The following ANO2 variants were observed in gnomAD, a reference collection of about 807,000 sequenced individuals.
The protein encoded by ANO2 is anoctamin-2.
In ANO2, 101 loss-of-function variants were observed where a neutral mutation model predicts 124.2. The ratio of observed to expected loss-of-function variants is 0.81; its 90% CI spans 0.69 to 0.96. ANO2 has a LOEUF of 0.96. Ranked by LOEUF, ANO2 falls within the 40% of genes least tolerant of loss-of-function variation. The pLI is 0.00. For synonymous variants in ANO2, 486 were observed against 482.5 expected (o/e 1.01, Z -0.09); for missense variants, 1,293 against 1,274.5 (o/e 1.01, Z -0.22).
intron 16 of ANO2, among the ~76,000 whole-genome samples, chr12:5,618,084 G>T (rs1944923906): frequency 6.6e-6 from 1 of 152,180 alleles, no homozygotes. Context: ...GCATCAACTG[G>T]GGTTCAGTCC....
At chr12:5,603,493 T>C (rs4930768) in intron 19 of ANO2, among the ~76,000 whole-genome samples, 90,213 of 151,986 alleles carry the variant, frequency 0.59, 27,400 homozygotes, top group Admixed American at 0.7. Flanking sequence ...TAATGAAAGA[T>C]GGTAGAAGAA....
At chr12:5,932,878 G>A (rs544596866) in intron 1 of ANO2, among the ~76,000 whole-genome samples, 10 of 152,264 alleles carry the variant, frequency 6.6e-5, no homozygotes, top group Non-Finnish European at 1.0e-4. Context: ...CAGAGGACAC[G>A]GCTTTTGCAT....
Position 5,599,500 on chromosome 12 carries a change from C to T in ANO2, c.2217G>A (p.Pro739=), listed in dbSNP as rs771773561. 1.9e-5 allele frequency: 30 copies of T among 1,609,180 alleles called. No individual in the cohort carries two copies. Among genetic ancestry groups the T allele is most frequent in the African/African-American group, 9.4e-5 (7 of 74,556 alleles). Residue 739 remains proline (P), a synonymous_variant, in exon 20 of 25, where the codon CCG becomes CCA. Coordinates refer to ENST00000682330, the MANE Select transcript of ANO2 (RefSeq NM_001364791.2). The part of the protein sequence containing the change: ...YSLEPYTGLT[P]EYMEMIIQFG... ...GGTTCTCACTCATTTCCATGTACTC[C>T]GGAGTCAGTCCTGTGTATGGTTCCA...
At chr12:5,612,381 T>G (rs894328217) in intron 19 of ANO2, among the ~76,000 whole-genome samples, 1 of 152,216 alleles carries the variant, frequency 6.6e-6, no homozygotes, top group Non-Finnish European at 1.5e-5. Context: ...TAAGATATTA[T>G]GCACTCTGGG....
chr12:5,665,410 C>G (rs1270325555), intron 14 of ANO2, among the ~76,000 whole-genome samples: 3 of 152,184 alleles, frequency 2.0e-5, no homozygotes, highest in Non-Finnish European at 4.4e-5. Context: ...GTGCTTCATC[C>G]CACAGACCCC....
chr12:5,914,178 T>G (rs568048843), intron 3 of ANO2, among the ~76,000 whole-genome samples: 9 of 148,958 alleles, frequency 6.0e-5, no homozygotes, highest in East Asian at 4.0e-4. Context: ...CCAGCCTAGG[T>G]GACAGAGTGA....
chr12:5,737,291 A>C (rs1318630891), intron 13 of ANO2, among the ~76,000 whole-genome samples: 1 of 152,216 alleles, frequency 6.6e-6, no homozygotes, highest in Non-Finnish European at 1.5e-5. Context: ...AGTCTTGGCC[A>C]GGCCCCTCTC....
rs1443116911 is a variant in ANO2 at position 5,900,697 on chromosome 12, C to G, written c.534+20343G>C. On this transcript the variant is annotated intron_variant, in intron 3 of 24. Transcript: ENST00000682330. This position sits in a 1 kb window ranked among gnomAD's most constrained non-coding sequence, Gnocchi z 4.2. The stretch of plus-strand genomic sequence containing the variant: ...CACAGCCTGACCACAATCCCCTTCC[C>G]CATGGGTGGGGCCGGGACAGGAAAT... 6.6e-6 allele frequency among the ~76,000 whole-genome samples: 1 copy of G among 152,240 alleles called. No homozygotes were observed. Among genetic ancestry groups the G allele is most frequent in the Non-Finnish European group, 1.5e-5 (1 of 68,040 alleles).
chr12:5,849,324 C>A (rs1430178171), intron 4 of ANO2, among the ~76,000 whole-genome samples: 3 of 152,182 alleles, frequency 2.0e-5, no homozygotes, highest in African/African-American at 7.2e-5. Context: ...CTGCTAGAGG[C>A]TTGAGGAATA....
chr12:5,584,030 T>TA (rs1225056034), intron 20 of ANO2: 1 of 255,756 alleles, frequency 3.9e-6, no homozygotes, highest in Non-Finnish European at 8.5e-6. Context: ...AAAATGGAAT[T>TA]ATGGTTGCAC....
At chr12:5,752,250 T>G (rs951756791) in intron 10 of ANO2, among the ~76,000 whole-genome samples, 2 of 152,210 alleles carry the variant, frequency 1.3e-5, no homozygotes, top group African/African-American at 4.8e-5. Context: ...GGGAGACTGT[T>G]GAATCAAATG....
intron 4 of ANO2, chr12:5,852,060 G>A: frequency 1.4e-6 from 1 of 701,848 alleles, no homozygotes; most frequent in Non-Finnish European, 2.6e-6. Context: ...AGAGAGAAAG[G>A]AGAATAATAT....
intron 20 of ANO2, among the ~76,000 whole-genome samples, chr12:5,594,666 C>T (rs1431667870): frequency 1.3e-5 from 2 of 152,104 alleles, no homozygotes; most frequent in Non-Finnish European, 2.9e-5. Context: ...TGAAACCTCA[C>T]AGCTACAAAA....
chr12:5,673,196 G>T (rs982012250), intron 14 of ANO2, among the ~76,000 whole-genome samples: 1 of 152,200 alleles, frequency 6.6e-6, no homozygotes, highest in African/African-American at 2.4e-5. Flanking sequence ...TGCTCAGCAA[G>T]GCTTTTGTGG....
chr12:5,774,779 T>C (rs2137125216), intron 10 of ANO2, among the ~76,000 whole-genome samples: 1 of 152,190 alleles, frequency 6.6e-6, no homozygotes, highest in African/African-American at 2.4e-5. Flanking sequence ...TGCCCCCAGG[T>C]TCATCCATGT....
At chr12:5,656,589 T>G (rs994853859) in intron 14 of ANO2, among the ~76,000 whole-genome samples, 2 of 152,216 alleles carry the variant, frequency 1.3e-5, no homozygotes, top group Non-Finnish European at 2.9e-5. Context: ...CCCCACCCAC[T>G]GTACCTATTG....
At chr12:5,616,773 T>C (rs1302820042) in intron 16 of ANO2, among the ~76,000 whole-genome samples, 4 of 152,190 alleles carry the variant, frequency 2.6e-5, no homozygotes, top group Non-Finnish European at 5.9e-5. Flanking sequence ...CATCACCTTA[T>C]ACAGAAATCC....
At chr12:5,924,942 G>A (rs1362044401) in intron 1 of ANO2, among the ~76,000 whole-genome samples, 1 of 152,162 alleles carries the variant, frequency 6.6e-6, no homozygotes, top group Non-Finnish European at 1.5e-5. Flanking sequence ...GTTTACATGT[G>A]ATGGGGCTCA....
At chr12:5,835,336 T>C (rs952544058) in intron 4 of ANO2, among the ~76,000 whole-genome samples, 1 of 152,150 alleles carries the variant, frequency 6.6e-6, no homozygotes, top group African/African-American at 2.4e-5. Flanking sequence ...CAAACTGAGA[T>C]GAGTGCATGG....
Sources: gnomAD v4.1 joint callset for allele counts (sites outside exome capture counted in the v4.1 genomes callset) on GRCh38, gnomAD v4.1.1 for gene constraint, Gnocchi (gnomAD v3.1) non-coding constraint, MANE v1.5 for transcripts, NCBI Gene and HGNC (gene_info 2026-07-23, HGNC 2026-07-21) for gene names.